Variants in TUBE1 observed in about 807,000 individuals in gnomAD.
TUBE1 encodes tubulin epsilon 1, also known as tubulin epsilon chain.
A neutral mutation model predicts 53.5 loss-of-function variants in TUBE1; 34 were observed. That is an observed-to-expected ratio of 0.64 (90% CI 0.48 to 0.85). The LOEUF (loss-of-function observed/expected upper bound fraction) is 0.85, where lower values mean the gene tolerates loss of function less well. TUBE1 is among the 40% of genes least tolerant of loss of function. The pLI is 0.00. For missense variants in TUBE1, 532 were observed against 570.5 expected, an observed-to-expected ratio of 0.93 and a Z score of 0.69; for synonymous variants, 177 against 198.4, an observed-to-expected ratio of 0.89 and a Z score of 0.91.
Position 112,071,425 on chromosome 6 carries a change from C to A in TUBE1, c.1415G>T (p.Ser472Ile). The change falls in exon 12 of 12, where the codon AGC (serine) becomes ATC (isoleucine). Residue 472 changes from serine to isoleucine, a missense_variant. Transcript: ENST00000368662. Reference sequence around the variant, plus strand: ...AGGGTTTCTTTTTCACATAGCTATGCTTAGTCTGGGTAAATCCTGCACAGG... The same window carrying A: ...AGGGTTTCTTTTTCACATAGCTATGATTAGTCTGGGTAAATCCTGCACAGG... ...NMPVQDLPRL[S>I]IAM The A allele has an allele frequency of 6.3e-7, 1 of 1,586,870 alleles. No homozygotes were observed. Among genetic ancestry groups the A allele is most frequent in the Non-Finnish European group, 8.6e-7 (1 of 1,162,976 alleles).
In TUBE1 at chr6:112,076,483, G is replaced by T. The variant is rs782141979; in HGVS notation, c.475C>A (p.Leu159Ile). ...AATTCGTCTTCAAGCACCTTTAAAA[G>T]AAATGTGCCAAGTCCAGATCCTGTT... ...GGTGSGLGTF[L>I]LKVLEDEFPE... The change falls in exon 7 of 12, where the codon CTT becomes ATT. Residue 159 changes from leucine to isoleucine, a missense_variant. Leu to Ile is a conservative substitution (Grantham distance 5, BLOSUM62 2). Transcript: ENST00000368662. 6.2e-7 allele frequency: 1 copy of T among 1,609,198 alleles called. No homozygotes were observed. The highest frequency in any genetic ancestry group is 2.2e-5 in the East Asian group (1 of 44,788).
intron 11 of TUBE1, 37 bp from the exon 12 acceptor site, chr6:112,071,607 A>G: frequency 6.6e-7 from 1 of 1,517,948 alleles, no homozygotes; most frequent in Non-Finnish European, 9.0e-7. Flanking sequence ...TTACCATTTC[A>G]GGAACTTTAA....
Position 112,074,831 on chromosome 6 carries a change from A to G in TUBE1, c.832T>C (p.Ser278Pro). The change falls in exon 9 of 12, where the codon TCC becomes CCC. Residue 278 changes from serine (S) to proline (P), a missense_variant. By Grantham distance (74) the Ser-to-Pro change is moderately conservative. Transcript: ENST00000368662. ...ATTTCATTAAGGTCCATATTAAGGG[A>G]CCCTTCAAATCTTGCAGAGCTAAAA... ...NLTSSARFEGSLNMDLNEISM... is the reference protein window; with the variant it reads ...NLTSSARFEGPLNMDLNEISM... 6.3e-7 allele frequency: 1 copy of G among 1,588,364 alleles called. No individual in the cohort carries two copies. The highest frequency in any genetic ancestry group is 8.5e-7 in the Non-Finnish European group (1 of 1,172,454).
chr6:112,080,929 A>C (rs1777059716), intron 5 of TUBE1, among the ~76,000 whole-genome samples, 163 bp downstream of exon 5: 1 of 152,122 alleles, frequency 6.6e-6, no homozygotes, highest in Admixed American at 6.5e-5. Context: ...ACTAGGAGTA[A>C]ATACAGGTGG....
In TUBE1 at chr6:112,076,400, T is replaced by A. The variant is rs1554316073; in HGVS notation, c.558A>T (p.Ile186=). The change falls in exon 7 of 12, where the codon ATA becomes ATT. Residue 186 remains isoleucine, a synonymous_variant. Transcript: ENST00000368662. ...SIYPSGEDDV[I]TSPYNSILAM... is the part of the protein sequence containing the mutation. ...CCAAGATGCTATTATAAGGTGAGGT[T>A]ATGACATCATCCTCACCAGAAGGAT... The A allele has an allele frequency of 6.2e-7, 1 of 1,613,566 alleles. No individual in the cohort carries two copies. Among genetic ancestry groups the A allele is most frequent in the Non-Finnish European group, 8.5e-7 (1 of 1,179,830 alleles).
chr6:112,077,649 T>A (rs587745928), intron 6 of TUBE1: 21 of 152,240 alleles, frequency 1.4e-4, no homozygotes, highest in African/African-American at 5.1e-4. Flanking sequence ...AGATAACTAT[T>A]AAAAGGCTAT....
Position 112,071,907 on chromosome 6 carries a change from T to G in TUBE1, c.1264A>C (p.Lys422Gln). ...LKERFMRLYK[K>Q]KAHLHHYLQV... ...CAAAGCTGTACAATAATTACCTTTT[T>G]CTTGTAGAGCCTCATGAATCTCTCT... Residue 422 changes from lysine (K) to glutamine (Q), a missense_variant, in exon 11 of 12, where the codon AAA (lysine) becomes CAA (glutamine). Coordinates refer to ENST00000368662, the MANE Select transcript of TUBE1 (RefSeq NM_016262.5). The G allele has an allele frequency of 6.3e-7, 1 of 1,596,634 alleles. No homozygotes were observed.
chr6:112,072,004 A>C lies in TUBE1; in HGVS notation c.1167T>G (p.Pro389=). The stretch of plus-strand genomic sequence containing the variant: ...CTAATAACGAATGAGAATGGCCCAC[A>C]GGAGGTACGGAACACAGGCTGGTCT... ...GWKTSLCSVP[P]VGHSHSLLAL... The change falls in exon 11 of 12, where the codon CCT becomes CCG. Residue 389 remains proline, a synonymous_variant. Transcript: ENST00000368662. 1.9e-6 allele frequency: 3 copies of C among 1,613,368 alleles called. No individual in the cohort carries two copies. Among genetic ancestry groups the C allele is most frequent in the Non-Finnish European group, 2.5e-6 (3 of 1,179,650 alleles).
At chr6:112,087,206 A>T (rs1777176614) in intron 2 of TUBE1, 27 bp downstream of exon 2, 1 of 1,548,258 alleles carries the variant, frequency 6.5e-7, no homozygotes, top group Non-Finnish European at 8.7e-7. Context: ...CTGACAGGCG[A>T]GGGGGCTCGC....
Position 112,086,542 on chromosome 6 carries a change from T to C in TUBE1, c.152+14A>G, listed in dbSNP as rs1405554449. ...TAAAGTATCACACTGTGACAGACTTTAATCCCATCTTACCTGGTGTCCACA... is the reference window on the plus strand; with the variant it reads ...TAAAGTATCACACTGTGACAGACTTCAATCCCATCTTACCTGGTGTCCACA... On this transcript the variant is annotated intron_variant, in intron 3 of 11. Coordinates refer to ENST00000368662, the MANE Select transcript of TUBE1 (RefSeq NM_016262.5). The C allele has an allele frequency of 1.2e-6, 2 of 1,607,466 alleles. No homozygotes were observed. The highest frequency in any genetic ancestry group is 2.7e-5 in the African/African-American group (2 of 74,758).
At chr6:112,081,936 G>A (rs1474937548) in intron 4 of TUBE1, among the ~76,000 whole-genome samples, 3 of 151,886 alleles carry the variant, frequency 2.0e-5, no homozygotes, top group Non-Finnish European at 4.4e-5. Flanking sequence ...AGGAAGAAGA[G>A]TAAAAAAGTA....
At chr6:112,084,900 T>C (rs901428352) in intron 3 of TUBE1, among the ~76,000 whole-genome samples, 3 of 152,180 alleles carry the variant, frequency 2.0e-5, no homozygotes, top group South Asian at 4.1e-4. Context: ...TCTAACGCAG[T>C]ATATGGGTCA....
At chr6:112,075,185 A>G (rs1424017534) in intron 8 of TUBE1, 7 of 154,952 alleles carry the variant, frequency 4.5e-5, no homozygotes, top group Non-Finnish European at 8.5e-5. Context: ...AGCAGCTGAG[A>G]CTACAGTAGG....
chr6:112,073,621 T>C (rs145899300), intron 9 of TUBE1, among the ~76,000 whole-genome samples: 299 of 152,334 alleles, frequency 2.0e-3, no homozygotes, highest in African/African-American at 6.7e-3. Flanking sequence ...AACGGAGTCC[T>C]ATCTATTAGT....
chr6:112,071,665 T>C (rs1473472744), intron 11 of TUBE1, 95 bp from the exon 12 acceptor site: 6 of 1,077,320 alleles, frequency 5.6e-6, no homozygotes, highest in Non-Finnish European at 6.5e-6. Context: ...AAAATTAGAG[T>C]TCATTCAGCT....
At chr6:112,079,438 A>T (rs1207729833) in intron 6 of TUBE1, 195 bp downstream of exon 6, 11 of 431,328 alleles carry the variant, frequency 2.6e-5, no homozygotes, top group Non-Finnish European at 4.3e-5. Flanking sequence ...AAAAAAAAAG[A>T]AAAGAAAAGA....
chr6:112,086,865 G>A (rs1006564400), intron 2 of TUBE1: 2 of 491,936 alleles, frequency 4.1e-6, no homozygotes, highest in South Asian at 3.4e-5. Flanking sequence ...TCCATCAAAT[G>A]AGCGTTCTCT....
chr6:112,086,457 ACTT>A, intron 3 of TUBE1, 96 bp downstream of exon 3: 1 of 775,694 alleles, frequency 1.3e-6, no homozygotes, highest in South Asian at 2.2e-5. Flanking sequence ...AAAAAACACA[ACTT>A]CGCAGCTGGC....
chr6:112,074,766 G>A lies in TUBE1; in HGVS notation c.897C>T (p.Leu299=), dbSNP rs781984612. Residue 299 remains leucine, a synonymous_variant, in exon 9 of 12, where the codon CTC becomes CTT. Transcript: ENST00000368662. The part of the protein sequence containing the change: ...NLVPFPQLHY[L]VSSLTPLYTL... ...TATACAGAGGTGTTAGGCTTGACAC[G>A]AGATAATGAAGTTGAGGAAAAGGAA... 14 of 1,607,918 alleles carry A rather than the reference G, an allele frequency of 8.7e-6. No individual in the cohort carries two copies. Among genetic ancestry groups the A allele is most frequent in the Admixed American group, 1.7e-5 (1 of 59,220 alleles).
Sources: gnomAD v4.1 joint callset for allele counts (sites outside exome capture counted in the v4.1 genomes callset) on GRCh38, gnomAD v4.1.1 for gene constraint, MANE v1.5 for transcripts, NCBI Gene and HGNC (gene_info 2026-07-23, HGNC 2026-07-21) for gene names.